Variants in MTA3 observed in about 807,000 individuals in gnomAD.
The protein encoded by MTA3 is metastasis associated 1 family member 3.
Under a neutral mutation model 83.5 loss-of-function variants are expected in MTA3, and 34 were observed. The ratio of observed to expected loss-of-function variants is 0.41; its 90% CI spans 0.31 to 0.54. The LOEUF is 0.54. MTA3 is among the 20% of genes least tolerant of loss of function. The pLI, the probability that MTA3 is intolerant of heterozygous loss-of-function variation, is 0.33. For missense variants in MTA3, 761 were observed against 726.4 expected, an observed-to-expected ratio of 1.05 and a Z score of -0.55; for synonymous variants, 303 against 252.7, an observed-to-expected ratio of 1.20 and a Z score of -1.89.
chr2:42,622,958 TAAAC>T (rs892407566), intron 4 of MTA3, among the ~76,000 whole-genome samples: 2 of 152,134 alleles, frequency 1.3e-5, no homozygotes, highest in Non-Finnish European at 2.9e-5. Flanking sequence ...AATTGAAAAA[TAAAC>T]CAATGAAACA....
intron 2 of MTA3, among the ~76,000 whole-genome samples, chr2:42,543,930 GTCC>G (rs1350912107): frequency 6.6e-6 from 1 of 151,918 alleles, no homozygotes; most frequent in Non-Finnish European, 1.5e-5. Flanking sequence ...GGCTCAAGTG[GTCC>G]TCCTGTTAGA....
intron 6 of MTA3, among the ~76,000 whole-genome samples, chr2:42,648,463 G>C (rs558731557): frequency 1.3e-5 from 2 of 152,326 alleles, no homozygotes; most frequent in South Asian, 4.1e-4. Context: ...GGCAGCAGCA[G>C]CACTCTGCCA....
intron 2 of MTA3, among the ~76,000 whole-genome samples, chr2:42,531,721 C>CA (rs1393644408): frequency 2.0e-5 from 3 of 151,446 alleles, no homozygotes; most frequent in East Asian, 3.9e-4. Flanking sequence ...AAAGTGCTGG[C>CA]ATTACAGAAG....
chr2:42,683,559 C>T (rs1439378959), intron 9 of MTA3, among the ~76,000 whole-genome samples: 17 of 152,092 alleles, frequency 1.1e-4, no homozygotes, highest in Non-Finnish European at 1.8e-4. Flanking sequence ...AATAATTATA[C>T]GACTCACCAT....
intron 6 of MTA3, among the ~76,000 whole-genome samples, chr2:42,653,705 C>G (rs1194350695): frequency 6.6e-6 from 1 of 152,106 alleles, no homozygotes; most frequent in Non-Finnish European, 1.5e-5. Context: ...TAGAATTCTT[C>G]TAAGTCTTAC....
intron 11 of MTA3, chr2:42,703,706 C>G (rs748992244): frequency 6.5e-6 from 1 of 154,032 alleles, no homozygotes; most frequent in Non-Finnish European, 1.4e-5. Context: ...TTGGCTAACA[C>G]GGTGAAACCC....
intron 9 of MTA3, 38 bp downstream of exon 9, chr2:42,682,627 T>G: frequency 6.5e-7 from 1 of 1,539,280 alleles, no homozygotes; most frequent in South Asian, 1.2e-5. Flanking sequence ...AATGTTGAGA[T>G]GGGAATATTC....
At chr2:42,659,662 A>G in intron 7 of MTA3, 101 bp from the exon 8 acceptor site, 1 of 810,694 alleles carries the variant, frequency 1.2e-6, no homozygotes, top group Non-Finnish European at 1.7e-6. Flanking sequence ...CTCTTCTTTT[A>G]CAGTTTTTTA....
intron 2 of MTA3, among the ~76,000 whole-genome samples, chr2:42,523,502 C>G (rs1485665029): frequency 1.3e-5 from 2 of 152,162 alleles, no homozygotes; most frequent in African/African-American, 4.8e-5. Context: ...AAACCTGACC[C>G]CTCAGTGACT....
chr2:42,708,928 C>A lies in MTA3; in HGVS notation c.1357C>A (p.Arg453=), dbSNP rs749873558. ...SRQAMQGMPV[R]NTGSPKSAVK... is the part of the protein sequence containing the mutation. ...CCAGGCCATGCAGGGAATGCCAGTC[C>A]GAAACACTGGGAGTCCAAAGTCTGC... Residue 453 remains arginine, a synonymous_variant, in exon 14 of 17, where the codon CGA becomes AGA. Transcript: ENST00000405094. 1.9e-6 allele frequency: 3 copies of A among 1,613,814 alleles called. No homozygotes were observed. Among genetic ancestry groups the A allele is most frequent in the African/African-American group, 1.3e-5 (1 of 74,910 alleles).
At chr2:42,735,299 C>A (rs1324679071) in intron 16 of MTA3, among the ~76,000 whole-genome samples, 1 of 152,068 alleles carries the variant, frequency 6.6e-6, no homozygotes, top group African/African-American at 2.4e-5. Context: ...TCTATTCTGG[C>A]CTGTAAGGTT....
intron 2 of MTA3, among the ~76,000 whole-genome samples, chr2:42,512,722 T>A (rs1269495792): frequency 6.6e-6 from 1 of 152,202 alleles, no homozygotes; most frequent in East Asian, 1.9e-4. Flanking sequence ...TTAGACCATG[T>A]CAAGGGATTA....
At chr2:42,637,488 G>A (rs1200012367) in intron 4 of MTA3, among the ~76,000 whole-genome samples, 1 of 152,104 alleles carries the variant, frequency 6.6e-6, no homozygotes, top group African/African-American at 2.4e-5. Flanking sequence ...GCCAAGATTT[G>A]TTTGGCATAA....
At chr2:42,667,817 G>C (rs1457216985) in intron 8 of MTA3, among the ~76,000 whole-genome samples, 1 of 152,088 alleles carries the variant, frequency 6.6e-6, no homozygotes. Context: ...TTAATGCTAA[G>C]TAATAATACA....
intron 4 of MTA3, among the ~76,000 whole-genome samples, chr2:42,634,239 G>T (rs1236903201): frequency 6.6e-6 from 1 of 152,166 alleles, no homozygotes; most frequent in Admixed American, 6.6e-5. Context: ...TGCTCCCTTG[G>T]TGTGGTAGTC....
chr2:42,589,451 G>C (rs1680711472), intron 3 of MTA3, among the ~76,000 whole-genome samples: 1 of 152,140 alleles, frequency 6.6e-6, no homozygotes, highest in Non-Finnish European at 1.5e-5. Flanking sequence ...TGACAAACCA[G>C]GCAGCTAAAT....
intron 2 of MTA3, among the ~76,000 whole-genome samples, chr2:42,553,616 T>C (rs1677229926): frequency 6.7e-6 from 1 of 149,878 alleles, no homozygotes; most frequent in African/African-American, 2.5e-5. Flanking sequence ...ATGCCTGTAA[T>C]CCCAGCTACT....
chr2:42,753,263 C>G (rs1558645364), intron 16 of MTA3, 111 bp from the exon 17 acceptor site: 1 of 1,527,282 alleles, frequency 6.5e-7, no homozygotes, highest in Non-Finnish European at 8.8e-7. Flanking sequence ...ACTGCTGAGC[C>G]TCCTTTCCCT....
chr2:42,562,543 TC>T (rs1677715826), intron 2 of MTA3, among the ~76,000 whole-genome samples: 1 of 152,158 alleles, frequency 6.6e-6, no homozygotes, highest in Non-Finnish European at 1.5e-5. Context: ...CACAGGCCAT[TC>T]CCCCTTGGTT....
Sources: gnomAD v4.1 joint callset for allele counts (sites outside exome capture counted in the v4.1 genomes callset) on GRCh38, gnomAD v4.1.1 for gene constraint, MANE v1.5 for transcripts, NCBI Gene and HGNC (gene_info 2026-07-23, HGNC 2026-07-21) for gene names.